Variants in ULK4 observed in about 807,000 individuals in gnomAD.
The protein encoded by ULK4 is unc-51 like kinase 4.
A neutral mutation model predicts 160.6 loss-of-function variants in ULK4; 133 were observed. The ratio of observed to expected loss-of-function variants is 0.83; its 90% confidence interval spans 0.72 to 0.96. The LOEUF is 0.96. ULK4 is among the 40% of genes least tolerant of loss of function. The pLI, the probability that ULK4 is intolerant of heterozygous loss-of-function variation, is 0.00. For synonymous variants in ULK4, 534 were observed against 539.8 expected, an observed-to-expected ratio of 0.99 and a Z score of 0.15; for missense variants, 1,580 against 1,499.5, an observed-to-expected ratio of 1.05 and a Z score of -0.89.
chr3:41,878,201 G>A (rs1382924411), intron 17 of ULK4, among the ~76,000 whole-genome samples: 3 of 151,476 alleles, frequency 2.0e-5, no homozygotes, highest in Non-Finnish European at 4.4e-5. Context: ...GACTATTCCC[G>A]AAACAAGCCT....
intron 35 of ULK4, among the ~76,000 whole-genome samples, chr3:41,391,619 G>A (rs1370068962): frequency 6.6e-6 from 1 of 151,678 alleles, no homozygotes; most frequent in Non-Finnish European, 1.5e-5. Flanking sequence ...AGAATTCCTG[G>A]TTTCCTCATC....
At chr3:41,366,382 A>G (rs1398306233) in intron 35 of ULK4, among the ~76,000 whole-genome samples, 2 of 152,210 alleles carry the variant, frequency 1.3e-5, no homozygotes, top group African/African-American at 4.8e-5. Flanking sequence ...TATTGGAAAT[A>G]TAATTCCCTA....
intron 20 of ULK4, among the ~76,000 whole-genome samples, chr3:41,794,976 C>T (rs2040261962): frequency 6.6e-6 from 1 of 152,068 alleles, no homozygotes; most frequent in South Asian, 2.1e-4. Context: ...CAAGATGGAA[C>T]CAAAGAGGTA....
chr3:41,255,502 G>T (rs1481195315), intron 35 of ULK4, among the ~76,000 whole-genome samples: 10 of 151,976 alleles, frequency 6.6e-5, no homozygotes, highest in Admixed American at 6.6e-4. Context: ...AATAAATAAG[G>T]GCACCAAACA....
intron 21 of ULK4, among the ~76,000 whole-genome samples, chr3:41,781,655 A>G (rs570308900): frequency 6.6e-6 from 1 of 152,346 alleles, no homozygotes; most frequent in South Asian, 2.1e-4. Context: ...AAAACTGGCC[A>G]TGGTCACGTG....
chr3:41,836,122 A>G (rs2041750039), intron 17 of ULK4, 151 bp from the exon 18 acceptor site: 1 of 587,482 alleles, frequency 1.7e-6, no homozygotes, highest in East Asian at 2.9e-5. Flanking sequence ...TATATTCCTG[A>G]AAATACAGTA....
chr3:41,846,606 A>C (rs2042075255), intron 17 of ULK4, among the ~76,000 whole-genome samples: 1 of 152,058 alleles, frequency 6.6e-6, no homozygotes, highest in Non-Finnish European at 1.5e-5. Context: ...GGAGTTCAAA[A>C]CCAGCCTGGC....
intron 27 of ULK4, among the ~76,000 whole-genome samples, chr3:41,685,410 C>T (rs2036068057): frequency 6.6e-6 from 1 of 152,152 alleles, no homozygotes; most frequent in Non-Finnish European, 1.5e-5. Context: ...AAACCCATAC[C>T]ACTACCTCAC....
chr3:41,945,355 A>C (rs1457793219), intron 2 of ULK4, among the ~76,000 whole-genome samples: 1 of 152,142 alleles, frequency 6.6e-6, no homozygotes, highest in East Asian at 1.9e-4. Context: ...TCCCACCTAG[A>C]ACTCTGGCTG....
chr3:41,427,658 A>G (rs2082808032), intron 34 of ULK4, among the ~76,000 whole-genome samples: 1 of 152,222 alleles, frequency 6.6e-6, no homozygotes, highest in African/African-American at 2.4e-5. Context: ...AAACAAAACT[A>G]AAGACAAAAA....
chr3:41,935,568 C>A (rs191897961), intron 4 of ULK4, among the ~76,000 whole-genome samples: 2 of 151,456 alleles, frequency 1.3e-5, no homozygotes, highest in Admixed American at 1.3e-4. Flanking sequence ...ATCATGTTGG[C>A]CAGGCTGGTC....
At chr3:41,290,287 T>C (rs1308567942) in intron 35 of ULK4, among the ~76,000 whole-genome samples, 1 of 152,252 alleles carries the variant, frequency 6.6e-6, no homozygotes, top group Non-Finnish European at 1.5e-5. Flanking sequence ...AAGTTTGCTA[T>C]AAACCAGGCA....
chr3:41,728,171 G>C (rs1298364911), intron 22 of ULK4, among the ~76,000 whole-genome samples: 1 of 152,202 alleles, frequency 6.6e-6, no homozygotes, highest in Non-Finnish European at 1.5e-5. Flanking sequence ...GCCATGCATG[G>C]ATGGTATTTA....
At chr3:41,824,436 C>T (rs868791228) in intron 18 of ULK4, among the ~76,000 whole-genome samples, 5 of 152,088 alleles carry the variant, frequency 3.3e-5, no homozygotes, top group African/African-American at 1.2e-4. Context: ...GGGTGACAGA[C>T]GGCACCTGGA....
At chr3:41,775,185 A>C (rs1429355987) in intron 21 of ULK4, among the ~76,000 whole-genome samples, 1 of 150,396 alleles carries the variant, frequency 6.6e-6, no homozygotes, top group East Asian at 1.9e-4. Context: ...ACAAACGTGC[A>C]CGTTGTGCAC....
chr3:41,281,964 A>G (rs1411960203), intron 35 of ULK4, among the ~76,000 whole-genome samples: 1 of 152,234 alleles, frequency 6.6e-6, no homozygotes, highest in Non-Finnish European at 1.5e-5. Flanking sequence ...CTCAGGATAC[A>G]AAATCAATGT....
At chr3:41,893,661 A>T (rs539403103) in intron 16 of ULK4, among the ~76,000 whole-genome samples, 1 of 152,182 alleles carries the variant, frequency 6.6e-6, no homozygotes, top group Non-Finnish European at 1.5e-5. Context: ...AAAAATAGTA[A>T]ATAAAATGAT....
chr3:41,419,612 C>T (rs1305170725), intron 34 of ULK4, among the ~76,000 whole-genome samples: 2 of 152,080 alleles, frequency 1.3e-5, no homozygotes, highest in East Asian at 3.9e-4. Context: ...GGAAACCTCA[C>T]CATTTCTACC....
At chr3:41,252,069 A>G (rs1411092177) in intron 35 of ULK4, among the ~76,000 whole-genome samples, 2 of 152,250 alleles carry the variant, frequency 1.3e-5, no homozygotes, top group African/African-American at 2.4e-5. Flanking sequence ...TGCACATAGC[A>G]CTGCAAAACC....
Sources: allele counts gnomAD v4.1 joint callset (sites outside exome capture counted in the v4.1 genomes callset), GRCh38; gene constraint gnomAD v4.1.1; transcripts MANE v1.5; gene names NCBI Gene and HGNC (gene_info 2026-07-23, HGNC 2026-07-21).